RBFOX1: variants seen among roughly 807,000 people sequenced by gnomAD.
RBFOX1 encodes RNA binding protein fox-1 homolog 1.
In RBFOX1, 8 loss-of-function variants were observed where a neutral mutation model predicts 57.7. That is an observed-to-expected ratio of 0.14 (90% CI 0.08 to 0.25). The LOEUF is 0.25. Among genes scored for constraint, RBFOX1 ranks in the 10% least tolerant of loss-of-function variants. The pLI, the probability that RBFOX1 is intolerant of heterozygous loss-of-function variation, is 1.00. For synonymous variants in RBFOX1, 326 were observed against 222.4 expected, an observed-to-expected ratio of 1.47 and a Z score of -4.15; for missense variants, 611 against 548.5, an observed-to-expected ratio of 1.11 and a Z score of -1.14.
At chr16:7,095,946 G>A (rs1237535180) in intron 4 of RBFOX1, among the ~76,000 whole-genome samples, 2 of 149,252 alleles carry the variant, frequency 1.3e-5, no homozygotes, top group Non-Finnish European at 3.0e-5. Context: ...CCAGGAGGCG[G>A]AGCTTGCAGT....
At chr16:5,303,654 T>C (rs752964144) in intron 1 of RBFOX1, among the ~76,000 whole-genome samples, 15 of 152,030 alleles carry the variant, frequency 9.9e-5, no homozygotes, top group East Asian at 1.9e-4. Context: ...GTGCATGTTA[T>C]AGGAAAAAGG....
At chr16:6,153,727 G>A (rs900192353) in intron 1 of RBFOX1, among the ~76,000 whole-genome samples, 1 of 152,002 alleles carries the variant, frequency 6.6e-6, no homozygotes, top group Non-Finnish European at 1.5e-5. Context: ...GTAGAGACAG[G>A]GTTTCACCAT....
chr16:5,428,627 G>C (rs201632505), intron 1 of RBFOX1, among the ~76,000 whole-genome samples: 19 of 152,250 alleles, frequency 1.2e-4, no homozygotes, highest in African/African-American at 3.9e-4. Flanking sequence ...ATCTGGGAAG[G>C]CTTCTTGGAG....
chr16:7,648,545 T>C (rs542225837), intron 11 of RBFOX1, among the ~76,000 whole-genome samples: 1 of 152,272 alleles, frequency 6.6e-6, no homozygotes, highest in South Asian at 2.1e-4. Context: ...CTAATAAAGA[T>C]GGGAAGAAAC....
chr16:7,449,816 A>C (rs943966879), intron 4 of RBFOX1, among the ~76,000 whole-genome samples: 1 of 151,896 alleles, frequency 6.6e-6, no homozygotes, highest in African/African-American at 2.4e-5. Flanking sequence ...CATAAAGAGA[A>C]CACCTTCACA....
intron 2 of RBFOX1, among the ~76,000 whole-genome samples, chr16:6,644,665 T>C (rs2098519083): frequency 1.3e-5 from 2 of 152,214 alleles, no homozygotes; most frequent in African/African-American, 4.8e-5. Context: ...TGGTCTTTTC[T>C]TTCCATTGCT....
intron 1 of RBFOX1, among the ~76,000 whole-genome samples, chr16:6,287,792 C>G (rs2077049325): frequency 6.6e-6 from 1 of 152,184 alleles, no homozygotes; most frequent in African/African-American, 2.4e-5. Context: ...AGAACATTTA[C>G]CTATATGTGG....
intron 4 of RBFOX1, among the ~76,000 whole-genome samples, chr16:7,289,867 C>G (rs1397116027): frequency 6.6e-6 from 1 of 152,152 alleles, no homozygotes; most frequent in Non-Finnish European, 1.5e-5. Context: ...AGCCACTCAG[C>G]TAGTATGCTG....
At chr16:7,682,491 T>G (rs2075012695) in intron 14 of RBFOX1, among the ~76,000 whole-genome samples, 1 of 116,262 alleles carries the variant, frequency 8.6e-6, no homozygotes, top group African/African-American at 3.0e-5. Context: ...TAAGCCAAAG[T>G]CATATCTCTG....
chr16:6,896,501 A>T (rs927551096), intron 3 of RBFOX1, among the ~76,000 whole-genome samples: 1 of 152,142 alleles, frequency 6.6e-6, no homozygotes, highest in Non-Finnish European at 1.5e-5. Context: ...GATCCCACTA[A>T]TAAGTGAGAA....
intron 2 of RBFOX1, among the ~76,000 whole-genome samples, chr16:6,505,096 G>C (rs1481203749): frequency 1.3e-5 from 2 of 152,004 alleles, no homozygotes; most frequent in Admixed American, 1.3e-4. Context: ...ATAAAAATTA[G>C]AAAAATAAAG....
rs572992039 is a variant in RBFOX1, at chr16:7,422,292, G to C, written c.28-95855G>C. 9.1e-4 allele frequency among the ~76,000 whole-genome samples: 139 copies of C among 152,212 alleles called. 2 individuals carry two copies. Among genetic ancestry groups the C allele is most frequent in the African/African-American group, 3.3e-3 (137 of 41,544 alleles). ...AGATTTCCTTTCATATCATGTAGGC[G>C]TCTATACCATGCCACCCACACAGGA... is the stretch of plus-strand genomic sequence containing the variant. On this transcript the variant is annotated intron_variant, in intron 4 of 15. Transcript: ENST00000550418.
intron 4 of RBFOX1, among the ~76,000 whole-genome samples, chr16:7,499,925 C>G (rs529383625): frequency 3.9e-5 from 6 of 152,100 alleles, no homozygotes; most frequent in Non-Finnish European, 8.8e-5. Context: ...CACTGCTGTG[C>G]TTCTTCCCTC....
chr16:7,179,697 T>C (rs1024797238), intron 4 of RBFOX1, among the ~76,000 whole-genome samples: 1 of 152,062 alleles, frequency 6.6e-6, no homozygotes, highest in African/African-American at 2.4e-5. Flanking sequence ...CATTTGTATA[T>C]AGAACTCTTT....
chr16:7,164,813 A>G (rs2079091534), intron 4 of RBFOX1, among the ~76,000 whole-genome samples: 1 of 152,130 alleles, frequency 6.6e-6, no homozygotes, highest in Non-Finnish European at 1.5e-5. Flanking sequence ...TTTGCTTTTA[A>G]AAACATTGCT....
intron 1 of RBFOX1, among the ~76,000 whole-genome samples, chr16:6,100,245 C>T (rs2096288327): frequency 6.6e-6 from 1 of 152,100 alleles, no homozygotes; most frequent in South Asian, 2.1e-4. Flanking sequence ...TCACTGCAAG[C>T]TCCGCCTTCT....
chr16:5,958,584 T>C (rs927690849), intron 4 of RBFOX1, among the ~76,000 whole-genome samples: 2 of 152,224 alleles, frequency 1.3e-5, no homozygotes, highest in African/African-American at 4.8e-5. Context: ...AATGAGATAA[T>C]ACAGGTGTAT....
chr16:6,223,013 C>T (rs1241203164), intron 1 of RBFOX1, among the ~76,000 whole-genome samples: 1 of 149,844 alleles, frequency 6.7e-6, no homozygotes, highest in African/African-American at 2.5e-5. Context: ...ATCCATGTCC[C>T]TACAAAGGAC....
intron 5 of RBFOX1, among the ~76,000 whole-genome samples, chr16:7,534,130 A>C (rs1432876354): frequency 7.5e-6 from 1 of 132,848 alleles, no homozygotes; most frequent in African/African-American, 2.7e-5. Context: ...CTTGTTGCCC[A>C]GGCTGGAGTG....
Sources: gnomAD v4.1 joint callset for allele counts (sites outside exome capture counted in the v4.1 genomes callset) on GRCh38, gnomAD v4.1.1 for gene constraint, MANE v1.5 for transcripts, NCBI Gene and HGNC (gene_info 2026-07-23, HGNC 2026-07-21) for gene names.